GPHN: variants seen among roughly 807,000 people sequenced by gnomAD.
The protein encoded by GPHN is gephyrin.
In GPHN, 17 loss-of-function variants were observed where a neutral mutation model predicts 95.5. The observed-to-expected ratio is 0.18, with a 90% CI of 0.12 to 0.27. The LOEUF is 0.27. Ranked by LOEUF, GPHN falls within the 10% of genes least tolerant of loss-of-function variation. The pLI is 1.00. For synonymous variants in GPHN, 320 were observed against 322.5 expected, an observed-to-expected ratio of 0.99 and a Z score of 0.08; for missense variants, 660 against 978.1, an observed-to-expected ratio of 0.67 and a Z score of 4.34.
chr14:67,252,050 C>T, the GPHN span, among the ~76,000 whole-genome samples: 6 of 152,348 alleles, frequency 3.9e-5, no homozygotes, highest in East Asian at 1.9e-4. Flanking sequence ...GGAAGCTCCA[C>T]ACCACCCGCC....
At chr14:67,716,196 C>CAA in the GPHN span, among the ~76,000 whole-genome samples, 1,260 of 108,676 alleles carry the variant, frequency 0.012, 18 homozygotes, top group Middle Eastern at 0.049. Context: ...GACTCCGTCT[C>CAA]AAAAAAAAAA....
At chr14:67,207,919 T>G in the GPHN span, among the ~76,000 whole-genome samples, 1 of 152,210 alleles carries the variant, frequency 6.6e-6, no homozygotes, top group Non-Finnish European at 1.5e-5. Context: ...AGAGAAGTAC[T>G]GTAATTAGAT....
the GPHN span, among the ~76,000 whole-genome samples, chr14:67,242,432 T>C: frequency 5.3e-5 from 8 of 152,206 alleles, no homozygotes; most frequent in Admixed American, 3.3e-4. Context: ...TGAAAGGTGT[T>C]AATATTTCTG....
chr14:66,868,541 A>G lies in GPHN; in HGVS notation c.295-11398A>G, dbSNP rs569063180. Among the ~76,000 whole-genome samples, 30 of 152,102 alleles carry G rather than the reference A, an allele frequency of 2.0e-4. No homozygotes were observed. The East Asian group carries it at 5.8e-3, about 30-fold the overall frequency. On this transcript the variant is annotated intron_variant, in intron 4 of 22. Coordinates refer to ENST00000478722, the MANE Select transcript of GPHN (RefSeq NM_020806.5). The stretch of plus-strand genomic sequence containing the variant: ...CTTGAGTAGCTGGAACTACAGGGGC[A>G]TGCCACCACGCCGGGCTAATTTTTG...
chr14:67,688,969 C>G, the GPHN span, among the ~76,000 whole-genome samples: 1 of 152,188 alleles, frequency 6.6e-6, no homozygotes, highest in African/African-American at 2.4e-5. Flanking sequence ...AATGAATCTT[C>G]TGTCAAACCA....
the GPHN span, among the ~76,000 whole-genome samples, chr14:67,610,776 C>T: frequency 1.3e-5 from 2 of 152,126 alleles, no homozygotes; most frequent in Admixed American, 6.5e-5. Context: ...TTTCAGTTCC[C>T]CAGCTCCCTG....
chr14:67,009,431 A>G (rs1293590077), intron 9 of GPHN, among the ~76,000 whole-genome samples: 1 of 152,118 alleles, frequency 6.6e-6, no homozygotes, highest in Non-Finnish European at 1.5e-5. Flanking sequence ...TGCATCATAT[A>G]ATGACCCTGT....
chr14:67,622,115 G>A, the GPHN span, among the ~76,000 whole-genome samples: 2 of 152,084 alleles, frequency 1.3e-5, no homozygotes, highest in Non-Finnish European at 2.9e-5. Flanking sequence ...TACCTTTATG[G>A]CAGGAAGGTT....
the GPHN span, among the ~76,000 whole-genome samples, chr14:67,604,841 T>G: frequency 6.6e-6 from 1 of 152,204 alleles, no homozygotes; most frequent in South Asian, 2.1e-4. Flanking sequence ...GTCATTTTGT[T>G]TCCCAGCAGC....
chr14:67,516,891 G>A, the GPHN span, among the ~76,000 whole-genome samples: 1 of 152,182 alleles, frequency 6.6e-6, no homozygotes, highest in Non-Finnish European at 1.5e-5. Flanking sequence ...TGCTACCAGT[G>A]GCAGGAACTC....
the GPHN span, among the ~76,000 whole-genome samples, chr14:67,394,154 C>A: frequency 0.012 from 1,825 of 152,268 alleles, 18 homozygotes; most frequent in Non-Finnish European, 0.018. Context: ...TTTTCTTCTC[C>A]TTATCTAAAT....
At chr14:67,350,796 G>C in the GPHN span, 4 of 1,069,616 alleles carry the variant, frequency 3.7e-6, no homozygotes, top group Non-Finnish European at 5.4e-6. Flanking sequence ...TGCTGGCTGT[G>C]CATGTAAATA....
At chr14:67,628,723 A>G in the GPHN span, among the ~76,000 whole-genome samples, 3 of 152,232 alleles carry the variant, frequency 2.0e-5, no homozygotes, top group African/African-American at 7.2e-5. Flanking sequence ...ATCAAAACAG[A>G]AAATAAGAAG....
intron 12 of GPHN, among the ~76,000 whole-genome samples, chr14:67,090,489 T>C (rs2077104151): frequency 6.6e-6 from 1 of 152,090 alleles, no homozygotes; most frequent in Non-Finnish European, 1.5e-5. Flanking sequence ...ATAGGATATA[T>C]ATGAAACATA....
intron 5 of GPHN, among the ~76,000 whole-genome samples, chr14:66,890,756 CAT>C (rs2064443428): frequency 6.6e-6 from 1 of 150,408 alleles, no homozygotes; most frequent in South Asian, 2.1e-4. Context: ...GATGGTTCAA[CAT>C]ATGAAAATAA....
chr14:66,889,779 A>G (rs547131680), intron 5 of GPHN, among the ~76,000 whole-genome samples: 14 of 152,192 alleles, frequency 9.2e-5, no homozygotes, highest in Admixed American at 3.9e-4. Flanking sequence ...GAGCAGAGAT[A>G]AATGAACTAG....
intron 1 of GPHN, among the ~76,000 whole-genome samples, chr14:66,546,077 C>T (rs2059582593): frequency 6.6e-6 from 1 of 150,428 alleles, no homozygotes; most frequent in Admixed American, 6.6e-5. Context: ...TAGAGGTGCT[C>T]CTCACATCCC....
intron 9 of GPHN, among the ~76,000 whole-genome samples, chr14:66,970,347 C>T (rs1278836728): frequency 6.6e-6 from 1 of 152,114 alleles, no homozygotes; most frequent in African/African-American, 2.4e-5. Context: ...ATATTCTTAA[C>T]TCAGGGTTTT....
At chr14:66,603,031 A>G (rs2062332803) in intron 1 of GPHN, among the ~76,000 whole-genome samples, 1 of 151,906 alleles carries the variant, frequency 6.6e-6, no homozygotes, top group South Asian at 2.1e-4. Context: ...CAAGCTTACA[A>G]GACTAAGATA....
Sources: allele counts gnomAD v4.1 joint callset (sites outside exome capture counted in the v4.1 genomes callset), GRCh38; gene constraint gnomAD v4.1.1; transcripts MANE v1.5; gene names NCBI Gene and HGNC (gene_info 2026-07-23, HGNC 2026-07-21).